The following ABR variants were observed in gnomAD, a reference collection of about 807,000 sequenced individuals.
ABR encodes active breakpoint cluster region-related protein.
ABR carries 35 observed loss-of-function variants against 107.2 expected under a neutral mutation model. The ratio of observed to expected loss-of-function variants is 0.33; its 90% CI spans 0.25 to 0.43. The LOEUF is 0.43. ABR is among the 20% of genes least tolerant of loss of function. The probability of loss-of-function intolerance (pLI) is 1.00; values close to 1 mark genes in which losing one functional copy is unlikely to be tolerated. For synonymous variants in ABR, 498 were observed against 462.0 expected (o/e 1.08, Z -1.00); for missense variants, 815 against 1,115.2 (o/e 0.73, Z 3.83).
At chr17:1,042,682 G>A (rs1220732548) in intron 16 of ABR, among the ~76,000 whole-genome samples, 1 of 151,200 alleles carries the variant, frequency 6.6e-6, no homozygotes, top group Non-Finnish European at 1.5e-5. Context: ...CAGATGGATG[G>A]ATAAATAGAC....
intron 4 of ABR, among the ~76,000 whole-genome samples, chr17:1,089,725 C>G (rs1478405767): frequency 6.6e-6 from 1 of 152,064 alleles, no homozygotes; most frequent in African/African-American, 2.4e-5. Context: ...TTCGGGAGGC[C>G]GAGGCGGGCG....
intron 1 of ABR, among the ~76,000 whole-genome samples, chr17:1,159,602 A>G (rs200094605): frequency 2.7e-3 from 113 of 41,540 alleles, no homozygotes; most frequent in South Asian, 5.5e-3. Flanking sequence ...ACTCACACAC[A>G]TGAGAAGTAA....
intron 5 of ABR, among the ~76,000 whole-genome samples, chr17:1,080,276 A>T (rs2036123104): frequency 6.6e-6 from 1 of 152,042 alleles, no homozygotes; most frequent in African/African-American, 2.4e-5. Flanking sequence ...GTCCGAGAGG[A>T]AGCTTCGAGG....
rs865963971 is a variant in ABR, at chr17:1,057,994, C to A, written c.1357G>T (p.Ala453Ser). The change falls in exon 12 of 23, where the codon GCA (alanine) becomes TCA (serine). Residue 453 changes from alanine to serine, a missense_variant. Transcript: ENST00000302538. ...SDYERSEWRE[A>S]IQKLQKKDLQ... is the part of the protein sequence containing the mutation. ...CCCTTCTTCTGTAGTTTCTGAATTG[C>A]TTCTCTCCACTCTGACCTCTCGTAG... The A allele has an allele frequency of 6.2e-7, 1 of 1,613,974 alleles. No homozygotes were observed. The highest frequency in any genetic ancestry group is 1.7e-5 in the Admixed American group (1 of 60,008).
Position 1,220,404 on chromosome 17 carries a change from G to A in ABR, c.838+8389C>T, listed in dbSNP as rs747875320. ...TCTCAGGCCGACTGTAGCGAGCGTC[G>A]AATGGGAAGACAGGAACAGGATCGC... is the stretch of plus-strand genomic sequence containing the variant. On this transcript the variant is annotated intron_variant, in intron 1 of 22. Coordinates refer to the ABR transcript ENST00000574139. Among the ~76,000 whole-genome samples, 95 of 152,296 alleles carry A rather than the reference G, an allele frequency of 6.2e-4. 1 individual carries two copies. The Middle Eastern group carries it at 0.017, about 27-fold the overall frequency.
chr17:1,145,772 C>T (rs1254089114), intron 1 of ABR, among the ~76,000 whole-genome samples: 1 of 152,220 alleles, frequency 6.6e-6, no homozygotes, highest in Non-Finnish European at 1.5e-5. Context: ...GCCTTCCACC[C>T]CAGGGTGCCC....
chr17:1,038,974 C>T (rs111789995), intron 16 of ABR, among the ~76,000 whole-genome samples: 20 of 152,182 alleles, frequency 1.3e-4, no homozygotes, highest in Non-Finnish European at 2.4e-4. Flanking sequence ...TTCGCCTCGG[C>T]GAGTTCGCTG....
intron 6 of ABR, 107 bp from the exon 7 acceptor site, chr17:1,073,784 C>T (rs2035453117): frequency 9.0e-6 from 9 of 1,000,572 alleles, no homozygotes; most frequent in Admixed American, 2.5e-5. Context: ...CACGTGAACA[C>T]CCCTCGAGGG....
chr17:1,083,495 G>A (rs201459815), intron 5 of ABR, 25 bp downstream of exon 5: 35 of 1,551,406 alleles, frequency 2.3e-5, no homozygotes, highest in Admixed American at 8.8e-5. Flanking sequence ...TGTCCCTCAG[G>A]GTGGCTATGT....
intron 1 of ABR, among the ~76,000 whole-genome samples, chr17:1,205,799 T>A (rs2042776944): frequency 6.6e-6 from 1 of 152,150 alleles, no homozygotes; most frequent in Admixed American, 6.6e-5. Context: ...AAAAATTAGC[T>A]GGATGTGGTG....
intron 1 of ABR, among the ~76,000 whole-genome samples, chr17:1,146,519 G>C (rs1347255340): frequency 6.6e-6 from 1 of 152,176 alleles, no homozygotes; most frequent in East Asian, 1.9e-4. Flanking sequence ...GGCACATGAA[G>C]ATGACCATGA....
At chr17:1,095,602 G>T (rs921249331) in intron 3 of ABR, among the ~76,000 whole-genome samples, 3 of 152,164 alleles carry the variant, frequency 2.0e-5, no homozygotes. Context: ...TCCTGCTGCA[G>T]GGACAAGGGC....
At chr17:1,026,819 G>A (rs895836118) in intron 16 of ABR, among the ~76,000 whole-genome samples, 3 of 152,216 alleles carry the variant, frequency 2.0e-5, no homozygotes, top group African/African-American at 7.2e-5. Flanking sequence ...CAACCACCTG[G>A]GCAGTGAGCG....
chr17:1,179,713 G>A lies in ABR; in HGVS notation c.15C>T (p.Ser5=). The A allele has an allele frequency of 6.4e-7, 1 of 1,556,082 alleles. No individual in the cohort carries two copies. Among genetic ancestry groups the A allele is most frequent in the East Asian group, 2.5e-5 (1 of 39,312 alleles). The part of the protein sequence containing the change: MEPL[S]HRGLPRLSWI... The stretch of plus-strand genomic sequence containing the variant: ...AGGACAGGCGCGGCAGGCCCCGGTG[G>A]CTGAGCGGCTCCATCCCGCGGCGGC... The change falls in exon 1 of 23, where the codon AGC becomes AGT. Residue 5 remains serine (S), a synonymous_variant. Transcript: ENST00000302538. The surrounding 1 kb of genome is among the most constrained non-coding windows in gnomAD (Gnocchi z 4.9).
At chr17:1,112,159 G>GTTCA (rs1019114749) in intron 2 of ABR, among the ~76,000 whole-genome samples, 3 of 152,304 alleles carry the variant, frequency 2.0e-5, no homozygotes, top group Admixed American at 1.3e-4. Context: ...CCATCTGTCT[G>GTTCA]TTCATTCATT....
chr17:1,193,316 C>T (rs1443728984), intron 1 of ABR, among the ~76,000 whole-genome samples: 2 of 151,936 alleles, frequency 1.3e-5, no homozygotes, highest in Non-Finnish European at 2.9e-5. Flanking sequence ...CCCGCTCTCC[C>T]GGCGAGTTTG....
chr17:1,144,275 C>A (rs958314210), intron 1 of ABR, among the ~76,000 whole-genome samples: 8 of 152,156 alleles, frequency 5.3e-5, no homozygotes, highest in African/African-American at 1.9e-4. Context: ...TGTACGCAAG[C>A]AACAGCCACT....
At chr17:1,034,033 C>G (rs1233890109) in intron 16 of ABR, among the ~76,000 whole-genome samples, 2 of 147,454 alleles carry the variant, frequency 1.4e-5, no homozygotes, top group African/African-American at 2.5e-5. Flanking sequence ...TGCAGTGGTG[C>G]AATCTTGGCT....
upstream of ABR, among the ~76,000 whole-genome samples, chr17:1,181,088 A>C (rs552700232): frequency 5.4e-5 from 8 of 148,818 alleles, no homozygotes; most frequent in South Asian, 1.8e-3. Context: ...CTGGGAGCCC[A>C]GCCCTACAGA....
Sources: allele counts gnomAD v4.1 joint callset (sites outside exome capture counted in the v4.1 genomes callset), GRCh38; gene constraint gnomAD v4.1.1; non-coding constraint Gnocchi (gnomAD v3.1); transcripts MANE v1.5; gene names NCBI Gene and HGNC (gene_info 2026-07-23, HGNC 2026-07-21).